Variants in CSMD1 observed in about 807,000 individuals in gnomAD.
The protein encoded by CSMD1 is CUB and sushi domain-containing protein 1.
CSMD1 carries 213 observed loss-of-function variants against 417.5 expected under a neutral mutation model. The ratio of observed to expected loss-of-function variants is 0.51; its 90% CI spans 0.46 to 0.57. The LOEUF (loss-of-function observed/expected upper bound fraction) is 0.57, where lower values mean the gene tolerates loss of function less well. Ranked by LOEUF, CSMD1 falls within the 20% of genes least tolerant of loss-of-function variation. The probability of loss-of-function intolerance (pLI) is 0.00; values close to 1 mark genes in which losing one functional copy is unlikely to be tolerated. For synonymous variants in CSMD1, 2,862 were observed against 1,736.8 expected (o/e 1.65, Z -16.11); for missense variants, 6,923 against 4,529.7 (o/e 1.53, Z -15.17).
At chr8:3,220,516 A>T (rs769703254) in intron 28 of CSMD1, among the ~76,000 whole-genome samples, 33 of 152,312 alleles carry the variant, frequency 2.2e-4, no homozygotes, top group Non-Finnish European at 2.9e-5. Flanking sequence ...ACCAGAATAA[A>T]CTGATAAAGT....
chr8:3,056,847 A>G, intron 49 of CSMD1, among the ~76,000 whole-genome samples: 2 of 152,078 alleles, frequency 1.3e-5, no homozygotes, highest in East Asian at 3.9e-4. Context: ...ATATGTATAT[A>G]GAAGTATAAA....
At chr8:4,115,727 G>A (rs539367809) in intron 3 of CSMD1, among the ~76,000 whole-genome samples, 2 of 152,120 alleles carry the variant, frequency 1.3e-5, no homozygotes, top group South Asian at 2.1e-4. Context: ...GGGACATCCT[G>A]ACAATGGACT....
At chr8:4,904,285 G>A (rs1258111204) in intron 1 of CSMD1, among the ~76,000 whole-genome samples, 2 of 152,150 alleles carry the variant, frequency 1.3e-5, no homozygotes, top group African/African-American at 2.4e-5. Context: ...AACAATGAAA[G>A]TACAGTAAAT....
chr8:3,711,424 C>G (rs934363745), intron 6 of CSMD1, among the ~76,000 whole-genome samples: 3 of 152,176 alleles, frequency 2.0e-5, no homozygotes, highest in African/African-American at 4.8e-5. Flanking sequence ...AGACAGTCAC[C>G]TATCCCAGGC....
intron 3 of CSMD1, among the ~76,000 whole-genome samples, chr8:4,412,714 C>A (rs1041178246): frequency 1.3e-5 from 2 of 152,100 alleles, no homozygotes; most frequent in Non-Finnish European, 2.9e-5. Context: ...CATATAAAGA[C>A]ATAGTGAAAA....
chr8:3,693,073 C>T (rs1274999197), intron 7 of CSMD1, among the ~76,000 whole-genome samples: 2 of 152,042 alleles, frequency 1.3e-5, no homozygotes, highest in Non-Finnish European at 2.9e-5. Context: ...ATCAGGAATA[C>T]ATTTATTCTA....
At chr8:3,664,252 C>T (rs910368256) in intron 7 of CSMD1, among the ~76,000 whole-genome samples, 4 of 152,090 alleles carry the variant, frequency 2.6e-5, no homozygotes, top group Admixed American at 2.6e-4. Context: ...TCTCATTGTT[C>T]AATTCCCACC....
chr8:3,491,292 G>C (rs1563088556), intron 11 of CSMD1, among the ~76,000 whole-genome samples: 1 of 152,108 alleles, frequency 6.6e-6, no homozygotes. Flanking sequence ...TTGTGAACTG[G>C]GGTAAATCCT....
intron 3 of CSMD1, among the ~76,000 whole-genome samples, chr8:4,381,491 G>A (rs923766790): frequency 6.6e-6 from 1 of 152,164 alleles, no homozygotes; most frequent in African/African-American, 2.4e-5. Context: ...CAACTGGCAG[G>A]CCTATAATTT....
At chr8:4,548,801 A>C (rs904889195) in intron 2 of CSMD1, among the ~76,000 whole-genome samples, 4 of 152,122 alleles carry the variant, frequency 2.6e-5, no homozygotes, top group African/African-American at 9.7e-5. Flanking sequence ...GAAACCATGC[A>C]ACAACCTGAT....
intron 30 of CSMD1, among the ~76,000 whole-genome samples, chr8:3,212,370 T>A (rs1797661974): frequency 6.6e-6 from 1 of 152,090 alleles, no homozygotes; most frequent in Non-Finnish European, 1.5e-5. Context: ...AATAACGTTC[T>A]TCCTCTGTCG....
chr8:3,787,449 C>G (rs753731474), intron 5 of CSMD1, among the ~76,000 whole-genome samples: 14 of 151,884 alleles, frequency 9.2e-5, no homozygotes, highest in Non-Finnish European at 1.6e-4. Flanking sequence ...AAATGATATA[C>G]AATAATTCAT....
chr8:3,750,446 T>C (rs901751383), intron 6 of CSMD1, among the ~76,000 whole-genome samples: 3 of 151,920 alleles, frequency 2.0e-5, no homozygotes, highest in Middle Eastern at 3.5e-3. Context: ...ATTATGTAAG[T>C]TTTCACTATA....
chr8:3,457,549 G>T (rs1816233668), intron 12 of CSMD1, among the ~76,000 whole-genome samples: 1 of 152,166 alleles, frequency 6.6e-6, no homozygotes, highest in Non-Finnish European at 1.5e-5. Context: ...TGGCTTAGAG[G>T]CAAGAGGATA....
intron 1 of CSMD1, among the ~76,000 whole-genome samples, chr8:4,926,669 C>A (rs948631132): frequency 1.3e-5 from 2 of 152,092 alleles, no homozygotes; most frequent in Admixed American, 6.5e-5. Flanking sequence ...GACCAGTATT[C>A]TTCTGGGCTT....
At chr8:3,191,987 C>T (rs186914112) in intron 33 of CSMD1, among the ~76,000 whole-genome samples, 8 of 152,232 alleles carry the variant, frequency 5.3e-5, no homozygotes, top group Non-Finnish European at 1.0e-4. Flanking sequence ...TTCTGACACA[C>T]TGGAATCTGT....
chr8:2,950,807 A>T (rs1802576730), intron 66 of CSMD1, among the ~76,000 whole-genome samples: 1 of 152,198 alleles, frequency 6.6e-6, no homozygotes, highest in African/African-American at 2.4e-5. Context: ...ACATGAGTTA[A>T]GAAAAAGTAT....
intron 5 of CSMD1, among the ~76,000 whole-genome samples, chr8:3,829,900 C>A (rs553294345): frequency 1.3e-5 from 2 of 152,032 alleles, no homozygotes; most frequent in Admixed American, 6.6e-5. Context: ...CTACATAGAT[C>A]TATTGGGAAA....
chr8:4,133,887 G>C (rs1039445071), intron 3 of CSMD1, among the ~76,000 whole-genome samples: 1 of 152,060 alleles, frequency 6.6e-6, no homozygotes, highest in Non-Finnish European at 1.5e-5. Context: ...TTTTTTATAA[G>C]AAATCTTGTA....
Sources: gnomAD v4.1 joint callset for allele counts (sites outside exome capture counted in the v4.1 genomes callset) on GRCh38, gnomAD v4.1.1 for gene constraint, MANE v1.5 for transcripts, NCBI Gene and HGNC (gene_info 2026-07-23, HGNC 2026-07-21) for gene names.